RTN1: variants seen among roughly 807,000 people sequenced by gnomAD.
The protein encoded by RTN1 is reticulon 1.
A neutral mutation model predicts 65.5 loss-of-function variants in RTN1; 25 were observed. The observed-to-expected ratio is 0.38, with a 90% CI of 0.28 to 0.53. The LOEUF (loss-of-function observed/expected upper bound fraction) is 0.53, where lower values mean the gene tolerates loss of function less well. RTN1 is among the 20% of genes least tolerant of loss of function. RTN1 has a pLI of 0.79. For missense variants in RTN1, 983 were observed against 1,025.4 expected, an observed-to-expected ratio of 0.96 and a Z score of 0.57; for synonymous variants, 471 against 447.6, an observed-to-expected ratio of 1.05 and a Z score of -0.66.
At chr14:59,653,425 A>G (rs1203973423) in intron 3 of RTN1, among the ~76,000 whole-genome samples, 1 of 152,180 alleles carries the variant, frequency 6.6e-6, no homozygotes, top group Non-Finnish European at 1.5e-5. Flanking sequence ...TAGAAAGGAA[A>G]TTTCCCCCAG....
At chr14:59,749,632 TAGA>T (rs1885379724) in intron 1 of RTN1, among the ~76,000 whole-genome samples, 1 of 58,822 alleles carries the variant, frequency 1.7e-5, no homozygotes, top group Non-Finnish European at 2.7e-5. Context: ...TATCTATATA[TAGA>T]TATCTATATA....
At chr14:59,805,470 T>C (rs1311090168) in intron 1 of RTN1, among the ~76,000 whole-genome samples, 1 of 152,198 alleles carries the variant, frequency 6.6e-6, no homozygotes, top group Non-Finnish European at 1.5e-5. Flanking sequence ...CTGAATATTC[T>C]GATTGGAACT....
intron 1 of RTN1, among the ~76,000 whole-genome samples, chr14:59,847,251 A>G (rs993973371): frequency 6.6e-6 from 1 of 152,236 alleles, no homozygotes; most frequent in Admixed American, 6.5e-5. Flanking sequence ...CTTTATATCC[A>G]CAAACATGTA....
chr14:59,773,292 C>A (rs946473150), intron 1 of RTN1, among the ~76,000 whole-genome samples: 19 of 152,026 alleles, frequency 1.2e-4, no homozygotes, highest in African/African-American at 3.9e-4. Context: ...AAATTCTCAT[C>A]ATTTATTTCT....
chr14:59,624,278 T>A (rs1451389452), intron 3 of RTN1, among the ~76,000 whole-genome samples: 2 of 152,180 alleles, frequency 1.3e-5, no homozygotes, highest in African/African-American at 4.8e-5. Flanking sequence ...AGTTTTCTTA[T>A]TTGAAATATA....
rs1566711717 is a variant in RTN1, at chr14:59,749,388, A to ATCTATATATC, written c.242-2908_242-2907insGATATATAGA. 1.1e-3 allele frequency among the ~76,000 whole-genome samples: 52 copies of ATCTATATATC among 47,094 alleles called. 8 individuals carry two copies. The highest frequency in any genetic ancestry group is 8.0e-3 in the African/African-American group (51 of 6,370). 30.9% of individuals were successfully genotyped at this position (47,094 alleles called of 152,430 possible). On this transcript the variant is annotated intron_variant, in intron 1 of 8. Transcript: ENST00000267484. ...TATATATCTATATATCTATATCTAT[A>ATCTATATATC]TATATCTATATATATCTATATCTAT...
chr14:59,734,876 A>G (rs577597188), intron 2 of RTN1, among the ~76,000 whole-genome samples: 1 of 152,332 alleles, frequency 6.6e-6, no homozygotes, highest in African/African-American at 2.4e-5. Flanking sequence ...AAATTCAAGA[A>G]ATGCAGAGAA....
intron 1 of RTN1, among the ~76,000 whole-genome samples, chr14:59,840,629 A>G (rs1398233265): frequency 6.6e-6 from 1 of 152,228 alleles, no homozygotes; most frequent in Non-Finnish European, 1.5e-5. Context: ...TTTCACTTGT[A>G]TAATAATTCC....
intron 1 of RTN1, among the ~76,000 whole-genome samples, chr14:59,749,250 ATATATCTATATATATCTATATATATATC>A (rs1885320278): frequency 3.3e-5 from 1 of 30,578 alleles, no homozygotes; most frequent in Non-Finnish European, 5.2e-5. Flanking sequence ...ATATATATCT[ATATATCTATATATATCTATATATATATC>A]TATATATATC....
At chr14:59,743,592 C>T (rs1441930094) in intron 2 of RTN1, among the ~76,000 whole-genome samples, 1 of 152,150 alleles carries the variant, frequency 6.6e-6, no homozygotes, top group Non-Finnish European at 1.5e-5. Context: ...TCTAATCCAC[C>T]TGGAGCCTTG....
intron 3 of RTN1, chr14:59,630,581 G>A (rs1351383461): frequency 6.3e-7 from 1 of 1,599,748 alleles, no homozygotes; most frequent in Non-Finnish European, 8.5e-7. Context: ...GTGCCCGGCT[G>A]CTGCGGCTGG....
chr14:59,693,629 T>C (rs1237072707), intron 3 of RTN1, among the ~76,000 whole-genome samples: 2 of 152,214 alleles, frequency 1.3e-5, no homozygotes, highest in African/African-American at 2.4e-5. Flanking sequence ...CATTCCCAAG[T>C]TACTTCACTT....
At position 59,794,109 on chromosome 14, in the gene RTN1, A is replaced by T. The variant is rs1886399550; in HGVS notation, c.242-47628T>A. ...ACTGGCTTAAGTTGATCAGAATGGT[A>T]CCATCTCCTTTACCACAATTACTAA... On this transcript the variant is annotated intron_variant, in intron 1 of 8. Coordinates refer to ENST00000267484, the MANE Select transcript of RTN1 (RefSeq NM_021136.3). The surrounding 1 kb of genome is among the most constrained non-coding windows in gnomAD (Gnocchi z 5.1). Among the ~76,000 whole-genome samples the T allele has an allele frequency of 6.6e-6, 1 of 152,172 alleles. No homozygotes were observed. Among genetic ancestry groups the T allele is most frequent in the South Asian group, 2.1e-4 (1 of 4,828 alleles).
chr14:59,777,599 T>A (rs1034085256), intron 1 of RTN1, among the ~76,000 whole-genome samples: 3 of 152,126 alleles, frequency 2.0e-5, no homozygotes, highest in African/African-American at 7.2e-5. Context: ...AAGGAAGTTT[T>A]AATGCTGGGC....
chr14:59,758,280 T>C (rs1305752317), intron 1 of RTN1, among the ~76,000 whole-genome samples: 2 of 152,186 alleles, frequency 1.3e-5, no homozygotes, highest in Non-Finnish European at 2.9e-5. Context: ...ACTCTGCACA[T>C]GGCTGACATA....
intron 3 of RTN1, chr14:59,630,783 G>A: frequency 9.5e-7 from 1 of 1,054,888 alleles, no homozygotes; most frequent in Non-Finnish European, 1.1e-6. Flanking sequence ...GCTGCCCAAG[G>A]GTGCTACCCT....
chr14:59,602,565 G>A (rs906590631), intron 8 of RTN1, among the ~76,000 whole-genome samples: 4 of 152,038 alleles, frequency 2.6e-5, no homozygotes, highest in South Asian at 2.1e-4. Flanking sequence ...CACAGTTGTC[G>A]AGTTAAAATG....
chr14:59,727,166 G>A lies in RTN1; in HGVS notation c.1518C>T (p.Ala506=), dbSNP rs577451964. 15 of 1,591,998 alleles carry A rather than the reference G, an allele frequency of 9.4e-6. No homozygotes were observed. In the South Asian group the frequency reaches 1.2e-4, roughly 13 times the overall value. Residue 506 remains alanine, a synonymous_variant, in exon 3 of 9, where the codon GCC becomes GCT. Coordinates refer to ENST00000267484, the MANE Select transcript of RTN1 (RefSeq NM_021136.3). This position sits in a 1 kb window ranked among gnomAD's most constrained non-coding sequence, Gnocchi z 4.2. The part of the protein sequence containing the change: ...DAIREETGVR[A]EERAPSRRGL... ...CCCGCCGGCTTGGCGCACGCTCCTC[G>A]GCCCGGACGCCAGTCTCCTCCCGGA...
At chr14:59,855,796 A>C (rs966956440) in intron 1 of RTN1, among the ~76,000 whole-genome samples, 1 of 152,202 alleles carries the variant, frequency 6.6e-6, no homozygotes, top group Non-Finnish European at 1.5e-5. Context: ...AGGTGAATTA[A>C]GTGCCAAAGC....
Sources: gnomAD v4.1 joint callset for allele counts (sites outside exome capture counted in the v4.1 genomes callset) on GRCh38, gnomAD v4.1.1 for gene constraint, Gnocchi (gnomAD v3.1) non-coding constraint, MANE v1.5 for transcripts, NCBI Gene and HGNC (gene_info 2026-07-23, HGNC 2026-07-21) for gene names.